The following CDH13 variants were observed in gnomAD, a reference collection of about 807,000 sequenced individuals.
CDH13 encodes cadherin 13.
A neutral mutation model predicts 63.8 loss-of-function variants in CDH13; 24 were observed. The ratio of observed to expected loss-of-function variants is 0.38; its 90% CI spans 0.27 to 0.53. CDH13 has a LOEUF of 0.53. Ranked by LOEUF, CDH13 falls within the 20% of genes least tolerant of loss-of-function variation. The pLI is 0.85. For missense variants in CDH13, 1,049 were observed against 903.1 expected (o/e 1.16, Z -2.07); for synonymous variants, 503 against 355.3 (o/e 1.42, Z -4.67).
chr16:82,672,588 C>A (rs1480093436), intron 1 of CDH13, among the ~76,000 whole-genome samples: 2 of 152,140 alleles, frequency 1.3e-5, no homozygotes, highest in African/African-American at 4.8e-5. Context: ...TCATCCCCTA[C>A]TGCTTCCCCA....
intron 2 of CDH13, among the ~76,000 whole-genome samples, chr16:82,873,018 T>C (rs541171499): frequency 6.6e-6 from 1 of 152,266 alleles, no homozygotes; most frequent in South Asian, 2.1e-4. Context: ...TGGTTAAGTA[T>C]CATGAAGGAA....
At chr16:83,055,833 A>T (rs1219594468) in intron 3 of CDH13, among the ~76,000 whole-genome samples, 1 of 152,188 alleles carries the variant, frequency 6.6e-6, no homozygotes, top group South Asian at 2.1e-4. Flanking sequence ...TAATGAATGT[A>T]TATGAGAAGG....
intron 4 of CDH13, among the ~76,000 whole-genome samples, chr16:83,190,188 C>T (rs958588276): frequency 6.6e-6 from 1 of 152,168 alleles, no homozygotes; most frequent in Non-Finnish European, 1.5e-5. Context: ...ATTGCTGTAG[C>T]CATCTCTGAG....
intron 1 of CDH13, among the ~76,000 whole-genome samples, chr16:82,655,666 G>A (rs1242082654): frequency 6.6e-6 from 1 of 152,118 alleles, no homozygotes; most frequent in African/African-American, 2.4e-5. Flanking sequence ...TTCAGAAGAA[G>A]CCTACAGAAG....
intron 4 of CDH13, among the ~76,000 whole-genome samples, chr16:83,130,437 A>G (rs1468689425): frequency 6.6e-6 from 1 of 152,230 alleles, no homozygotes; most frequent in Non-Finnish European, 1.5e-5. Flanking sequence ...AAATATCTTC[A>G]CTGACAATTT....
intron 2 of CDH13, among the ~76,000 whole-genome samples, chr16:82,913,870 C>A (rs2041909291): frequency 6.6e-6 from 1 of 152,048 alleles, no homozygotes. Context: ...ACTCGGAGCA[C>A]CTGGAGTTTA....
chr16:83,230,624 TA>T (rs1398164558), intron 5 of CDH13, among the ~76,000 whole-genome samples: 1 of 152,080 alleles, frequency 6.6e-6, no homozygotes, highest in Non-Finnish European at 1.5e-5. Flanking sequence ...CCATCTCTAC[TA>T]AAAACACAAA....
At chr16:82,774,644 C>A (rs551974919) in intron 1 of CDH13, among the ~76,000 whole-genome samples, 2 of 152,200 alleles carry the variant, frequency 1.3e-5, no homozygotes, top group East Asian at 3.8e-4. Flanking sequence ...CTTACCATCA[C>A]CCTGTGTTAA....
intron 7 of CDH13, among the ~76,000 whole-genome samples, chr16:83,494,559 A>C (rs1281168456): frequency 6.6e-6 from 1 of 152,240 alleles, no homozygotes; most frequent in Non-Finnish European, 1.5e-5. Flanking sequence ...ATTTAAGGAA[A>C]GAAAAGTTGG....
intron 1 of CDH13, among the ~76,000 whole-genome samples, chr16:82,738,151 G>A (rs1329898267): frequency 2.0e-5 from 3 of 152,208 alleles, no homozygotes; most frequent in Admixed American, 2.0e-4. Context: ...GATGGGCTAA[G>A]AGTTAGTCTG....
intron 7 of CDH13, among the ~76,000 whole-genome samples, chr16:83,509,185 C>A (rs1313960547): frequency 1.3e-5 from 2 of 152,202 alleles, no homozygotes; most frequent in East Asian, 3.8e-4. Context: ...AGAGCTGATG[C>A]CCACCTTGAT....
intron 1 of CDH13, among the ~76,000 whole-genome samples, chr16:82,814,269 G>A (rs990380958): frequency 6.6e-6 from 1 of 152,094 alleles, no homozygotes; most frequent in African/African-American, 2.4e-5. Flanking sequence ...GGTATTTCCT[G>A]GCTGATAGGA....
intron 5 of CDH13, among the ~76,000 whole-genome samples, chr16:83,245,367 A>C (rs562059628): frequency 1.3e-5 from 2 of 152,224 alleles, no homozygotes; most frequent in East Asian, 3.9e-4. Flanking sequence ...AGGACAGTTT[A>C]AAAATTTATG....
chr16:83,188,872 G>A (rs1393398659), intron 4 of CDH13, among the ~76,000 whole-genome samples: 1 of 151,960 alleles, frequency 6.6e-6, no homozygotes, highest in Non-Finnish European at 1.5e-5. Context: ...CTGTAGTCGG[G>A]GTGAGTTTTC....
At chr16:83,466,439 C>G (rs1047851214) in intron 6 of CDH13, among the ~76,000 whole-genome samples, 10 of 152,216 alleles carry the variant, frequency 6.6e-5, no homozygotes, top group Non-Finnish European at 1.5e-4. Flanking sequence ...ATTTCACCTT[C>G]CTATGATCCA....
chr16:82,995,178 A>G, intron 2 of CDH13, among the ~76,000 whole-genome samples: 1 of 152,184 alleles, frequency 6.6e-6, no homozygotes, highest in African/African-American at 2.4e-5. Context: ...CCCTCTCTCC[A>G]TTCTAGGGGA....
chr16:82,725,514 C>T (rs925061290), intron 1 of CDH13, among the ~76,000 whole-genome samples: 2 of 152,136 alleles, frequency 1.3e-5, no homozygotes, highest in African/African-American at 2.4e-5. Context: ...TAGTAACTGC[C>T]ACATTTAGGT....
Position 82,817,995 on chromosome 16 carries a change from A to G in CDH13, c.46-40367A>G, listed in dbSNP as rs75564374. 4.7e-3 allele frequency among the ~76,000 whole-genome samples: 718 copies of G among 152,342 alleles called. 6 individuals are homozygous for G. The highest frequency in any genetic ancestry group is 0.016 in the African/African-American group (680 of 41,570). The stretch of plus-strand genomic sequence containing the variant: ...CACACATACATTTTTATAGAAATGC[A>G]TAGGTATACACATGTATAGAGTTGT... On this transcript the variant is annotated intron_variant, in intron 1 of 13. Transcript: ENST00000567109.
chr16:83,796,385 A>C lies in CDH13; in HGVS notation c.*1355A>C, dbSNP rs1159153929. ...CTAAAGGTTTTAACCGCACATGCAC[A>C]CACACACGCTTTCTTATGCAATCTA... On this transcript the variant is annotated 3_prime_UTR_variant, in exon 14 of 14. Transcript: ENST00000567109. 6.6e-6 allele frequency: 1 copy of C among 152,244 alleles called. No homozygotes were observed. Among genetic ancestry groups the C allele is most frequent in the Non-Finnish European group, 1.5e-5 (1 of 68,042 alleles). 9.4% of individuals were successfully genotyped at this position (152,244 alleles called of 1,614,324 possible). A position where few individuals can be genotyped will look rare whatever the true frequency, so the allele number is the denominator to read the frequency against.
Sources: allele counts gnomAD v4.1 joint callset (sites outside exome capture counted in the v4.1 genomes callset), GRCh38; gene constraint gnomAD v4.1.1; transcripts MANE v1.5; gene names NCBI Gene and HGNC (gene_info 2026-07-23, HGNC 2026-07-21).